Variants in FAM90A26 observed in about 807,000 individuals in gnomAD.
FAM90A26 encodes family with sequence similarity 90 member A26, also known as protein FAM90A26.
In FAM90A26 at chr4:9,174,800, C is replaced by T. The variant is rs185245691; in HGVS notation, c.432+244C>T. 2.5e-4 allele frequency among the ~76,000 whole-genome samples: 6 copies of T among 23,794 alleles called. No homozygotes were observed. In the East Asian group the frequency reaches 5.8e-3, roughly 23 times the overall value. 15.6% of individuals were successfully genotyped at this position (23,794 alleles called of 152,430 possible). ...CCTGCCAACAACATGTTCCTAGCGG[C>T]ATGAAGAAATTTGTCCCTCAGAGGC... On this transcript the variant is annotated intron_variant, in intron 6 of 6. Coordinates refer to ENST00000512047, the Ensembl canonical transcript of FAM90A26.
intron 6 of FAM90A26, 54 bp from the exon 7 acceptor site, chr4:9,175,151 C>T: frequency 5.7e-6 from 1 of 175,410 alleles, no homozygotes; most frequent in Non-Finnish European, 9.2e-6. Context: ...GGTTGATTTT[C>T]ACGTTGGCTC....
At chr4:9,171,886 C>T (rs1466555289) in intron 2 of FAM90A26, 127 bp from the exon 3 acceptor site, 1 of 26,726 alleles carries the variant, frequency 3.7e-5, no homozygotes. Flanking sequence ...TTTAGAATGT[C>T]TGTCAGCAGT....
chr4:9,172,732 G>T (rs1207003044), intron 3 of FAM90A26, among the ~76,000 whole-genome samples: 1 of 24,420 alleles, frequency 4.1e-5, no homozygotes, highest in Admixed American at 3.1e-4. Flanking sequence ...CTGCCAAAGG[G>T]TGACACACGC....
Position 9,174,431 on chromosome 4 carries a change from C to A in FAM90A26, c.324-17C>A. On this transcript the variant is annotated splice_polypyrimidine_tract_variant and intron_variant, in intron 5 of 6. Transcript: ENST00000512047. ...GGAAAACCAGGGGCCACGGCCTGAC[C>A]TTTTTCTGTTCTGCAGGCAACAAGA... is the stretch of plus-strand genomic sequence containing the variant. 6.3e-6 allele frequency: 1 copy of A among 159,372 alleles called. No individual in the cohort carries two copies. Among genetic ancestry groups the A allele is most frequent in the East Asian group, 1.2e-4 (1 of 8,414 alleles). The allele number at this position is 159,372 out of a possible 1,614,324, so 9.9% of individuals were successfully genotyped here.
rs868014618 is a variant in FAM90A26 at position 9,172,104 on chromosome 4, G to T, written c.-122G>T. On this transcript the variant is annotated 5_prime_UTR_variant, in exon 3 of 7. Coordinates refer to ENST00000512047, the Ensembl canonical transcript of FAM90A26. ...TCCTGGATGCTGCATCGCTTCCAGC[G>T]GGGCTGCTCCAGCACCTGCCCATCT... 2 of 24,794 alleles carry T rather than the reference G, an allele frequency of 8.1e-5. 1 individual carries two copies. Among genetic ancestry groups the T allele is most frequent in the Non-Finnish European group, 1.7e-4 (2 of 12,074 alleles). 1.5% of individuals were successfully genotyped at this position (24,794 alleles called of 1,614,324 possible). A position where few individuals can be genotyped will look rare whatever the true frequency, so the allele number is the denominator to read the frequency against.
At position 9,172,971 on chromosome 4, in the gene FAM90A26, A is replaced by C. The variant is rs1300679855; in HGVS notation, c.-56-146A>C. On this transcript the variant is annotated intron_variant, in intron 3 of 6. Transcript: ENST00000512047. ...ACACACAATATCTGAGGATGCACAC[A>C]GCACATTGTGTTCCACAGATTTGAC... 2 of 83,572 alleles carry C rather than the reference A, an allele frequency of 2.4e-5. 1 individual carries two copies. Among genetic ancestry groups the C allele is most frequent in the Non-Finnish European group, 4.6e-5 (2 of 43,708 alleles). 5.2% of individuals were successfully genotyped at this position (83,572 alleles called of 1,614,324 possible). A position where few individuals can be genotyped will look rare whatever the true frequency, so the allele number is the denominator to read the frequency against.
chr4:9,171,179 CAAAAAAAA>C (rs775199927), intron 1 of FAM90A26, among the ~76,000 whole-genome samples: 1 of 3,436 alleles, frequency 2.9e-4, no homozygotes, highest in Admixed American at 4.1e-3. Context: ...TTTGTCTCAA[CAAAAAAAA>C]AAAAAAAAAA....
rs189932528 is a variant in FAM90A26, at chr4:9,174,051, G to C, written c.323+62G>C. 0.02 allele frequency: 2,913 copies of C among 143,372 alleles called. 1,375 individuals carry two copies. In the East Asian group the frequency reaches 0.22, roughly 11 times the overall value. 8.9% of individuals were successfully genotyped at this position (143,372 alleles called of 1,614,324 possible). On this transcript the variant is annotated intron_variant, in intron 5 of 6. Coordinates refer to ENST00000512047, the Ensembl canonical transcript of FAM90A26. Reference sequence around the variant, plus strand: ...ACTGCCTCCTAAGGACATGGTGTCTGTGCACCTGCACACCGTGTGCCTTTC... The same window carrying C: ...ACTGCCTCCTAAGGACATGGTGTCTCTGCACCTGCACACCGTGTGCCTTTC...
chr4:9,171,179 CAAAAAA>C (rs775199927), intron 1 of FAM90A26, among the ~76,000 whole-genome samples: 4 of 3,438 alleles, frequency 1.2e-3, no homozygotes, highest in African/African-American at 8.3e-3. Flanking sequence ...TTTGTCTCAA[CAAAAAA>C]AAAAAAAAAA....
At chr4:9,173,343 CG>C in intron 4 of FAM90A26, 48 bp downstream of exon 4, 1 of 26,022 alleles carries the variant, frequency 3.8e-5, no homozygotes, top group Admixed American at 4.1e-4. Flanking sequence ...GGGTGGGGGC[CG>C]GGGGAGGGGG....
At chr4:9,172,216 T>G (rs866518663) in intron 3 of FAM90A26, 47 bp downstream of exon 3, 2 of 20,962 alleles carry the variant, frequency 9.5e-5, no homozygotes, top group Non-Finnish European at 9.6e-5. Flanking sequence ...CCCTGAGGGG[T>G]GGGGGGGAAA....
In FAM90A26 at chr4:9,176,495, G is replaced by A. The variant is rs537287395; in HGVS notation, c.*328G>A. 0.012 allele frequency: 656 copies of A among 56,580 alleles called. 125 individuals are homozygous for A. The East Asian group carries it at 0.13, about 11-fold the overall frequency. The allele number at this position is 56,580 out of a possible 1,614,324, so 3.5% of individuals were successfully genotyped here. A position where few individuals can be genotyped will look rare whatever the true frequency, so the allele number is the denominator to read the frequency against. ...GCTGGGACGTCAATAGGAAACTGGGGAATTACTGTGTATTTGCTCTCTAGA... is the reference window on the plus strand; with the variant it reads ...GCTGGGACGTCAATAGGAAACTGGGAAATTACTGTGTATTTGCTCTCTAGA... On this transcript the variant is annotated 3_prime_UTR_variant, in exon 7 of 7. Coordinates refer to ENST00000512047, the Ensembl canonical transcript of FAM90A26.
chr4:9,175,137 A>T, intron 6 of FAM90A26, 68 bp from the exon 7 acceptor site: 1 of 152,686 alleles, frequency 6.5e-6, no homozygotes, highest in Non-Finnish European at 1.1e-5. Context: ...CTGTCTTTGG[A>T]TGTGGTTGAT....
At position 9,170,762 on chromosome 4, in the gene FAM90A26, A is replaced by G. The variant is rs1349346930; in HGVS notation, c.-421+240A>G. 5.6e-4 allele frequency among the ~76,000 whole-genome samples: 13 copies of G among 23,208 alleles called. 6 individuals are homozygous for G. Among genetic ancestry groups the G allele is most frequent in the African/African-American group, 3.6e-3 (13 of 3,652 alleles). 15.2% of individuals were successfully genotyped at this position (23,208 alleles called of 152,430 possible). ...AGAGCAGGACCAGCAGCTGGCCCAG[A>G]CCCCGCCTCTTCCCACACCGCTTCC... On this transcript the variant is annotated intron_variant, in intron 1 of 6. Transcript: ENST00000512047.
Position 9,173,197 on chromosome 4 carries a change from C to A in FAM90A26, c.25C>A (p.Pro9Thr). 7.2e-6 allele frequency: 2 copies of A among 278,436 alleles called. 1 individual carries two copies. Among genetic ancestry groups the A allele is most frequent in the Non-Finnish European group, 1.0e-5 (2 of 196,660 alleles). 17.2% of individuals were successfully genotyped at this position (278,436 alleles called of 1,614,324 possible). The change falls in exon 4 of 7, where the codon CCT becomes ACT. Residue 9 changes from proline (P) to threonine (T), a missense_variant. Pro to Thr is a conservative substitution (Grantham distance 38). Coordinates refer to ENST00000512047, the Ensembl canonical transcript of FAM90A26. ...GATGATGGCATGTCGTGACCCCAAA[C>A]CTGGGGCAAAGAGACTGGTGAGAGC...
At chr4:9,172,540 TAA>T (rs1340580867) in intron 3 of FAM90A26, among the ~76,000 whole-genome samples, 1 of 36,094 alleles carries the variant, frequency 2.8e-5, no homozygotes, top group Non-Finnish European at 6.3e-5. Flanking sequence ...GAAAAATAAA[TAA>T]AGAGGGGCTG....
Position 9,173,448 on chromosome 4 carries a change from G to A in FAM90A26, c.123+153G>A, listed in dbSNP as rs1232463095. Among the ~76,000 whole-genome samples, 2 of 23,686 alleles carry A rather than the reference G, an allele frequency of 8.4e-5. 1 individual carries two copies. The highest frequency in any genetic ancestry group is 2.0e-3 in the East Asian group (2 of 1,002). The allele number at this position is 23,686 out of a possible 152,430, so 15.5% of individuals were successfully genotyped here. ...CCCATCCAAGGTGGGCGTGGCTTGGGACCTCCTCCCCGGACCGATAGACCC... is the reference window on the plus strand; with the variant it reads ...CCCATCCAAGGTGGGCGTGGCTTGGAACCTCCTCCCCGGACCGATAGACCC... On this transcript the variant is annotated intron_variant, in intron 4 of 6. Transcript: ENST00000512047.
chr4:9,172,548 G>A (rs1328094290), intron 3 of FAM90A26, among the ~76,000 whole-genome samples: 13 of 35,196 alleles, frequency 3.7e-4, no homozygotes, highest in Middle Eastern at 0.016. Flanking sequence ...AATAAAGAGG[G>A]GCTGGAGCTA....
At position 9,176,143 on chromosome 4, in the gene FAM90A26, G is replaced by A. The variant is rs529743859; in HGVS notation, c.1371G>A (p.Glu457=). The A allele has an allele frequency of 3.3e-5, 8 of 241,038 alleles. 1 individual carries two copies. The East Asian group carries it at 7.0e-4, about 21-fold the overall frequency. The allele number at this position is 241,038 out of a possible 1,614,324, so 14.9% of individuals were successfully genotyped here. The change falls in exon 7 of 7, where the codon GAG becomes GAA. Residue 457 remains glutamate, a synonymous_variant. Transcript: ENST00000512047. Reference sequence around the variant, plus strand: ...ACCTTCAGGTTTCCTCCTCCTCAGAGGACAGCGACTCTGACCTGGAGTGAG... The same window carrying A: ...ACCTTCAGGTTTCCTCCTCCTCAGAAGACAGCGACTCTGACCTGGAGTGAG...
Sources: gnomAD v4.1 joint callset for allele counts (sites outside exome capture counted in the v4.1 genomes callset) on GRCh38, gnomAD v4.1.1 for gene constraint, MANE v1.5 for transcripts, NCBI Gene and HGNC (gene_info 2026-07-23, HGNC 2026-07-21) for gene names.